ANKRD31: variants seen among roughly 807,000 people sequenced by gnomAD.
ANKRD31 encodes the protein ankyrin repeat domain 31, also known as ankyrin repeat domain-containing protein 31.
A neutral mutation model predicts 186.0 loss-of-function variants in ANKRD31; 147 were observed. The ratio of observed to expected loss-of-function variants is 0.79; its 90% CI spans 0.69 to 0.91. The LOEUF (loss-of-function observed/expected upper bound fraction) is 0.91. Among genes scored for constraint, ANKRD31 ranks in the 40% least tolerant of loss-of-function variants. ANKRD31 has a pLI of 0.00. For missense variants in ANKRD31, 1,986 were observed against 2,148.8 expected, an observed-to-expected ratio of 0.92 and a Z score of 1.50; for synonymous variants, 673 against 736.4, an observed-to-expected ratio of 0.91 and a Z score of 1.39.
chr5:75,088,772 A>T (rs1365089811), intron 23 of ANKRD31, among the ~76,000 whole-genome samples: 1 of 152,220 alleles, frequency 6.6e-6, no homozygotes, highest in African/African-American at 2.4e-5. Flanking sequence ...TTTCATATCC[A>T]TGAACAGAAA....
intron 2 of ANKRD31, among the ~76,000 whole-genome samples, chr5:75,224,135 A>ATATATATATATATATATATATATATG (rs1475091765): frequency 1.7e-5 from 1 of 59,060 alleles, no homozygotes; most frequent in Non-Finnish European, 2.8e-5. Flanking sequence ...ATAATTATAT[A>ATATATATATATATATATATATATATG]TATATATATA....
intron 11 of ANKRD31, among the ~76,000 whole-genome samples, chr5:75,163,204 C>G (rs967637927): frequency 8.6e-5 from 13 of 152,010 alleles, no homozygotes; most frequent in Non-Finnish European, 1.9e-4. Context: ...TGCTTGGGAC[C>G]AGCAGTATTT....
At chr5:75,137,369 T>C (rs903093336) in intron 17 of ANKRD31, among the ~76,000 whole-genome samples, 3 of 152,134 alleles carry the variant, frequency 2.0e-5, no homozygotes, top group Non-Finnish European at 4.4e-5. Flanking sequence ...ATGATCCTCG[T>C]AATCTTTTCT....
At chr5:75,230,675 G>A (rs979033278) in intron 1 of ANKRD31, 40 bp from the exon 2 acceptor site, 9 of 1,431,752 alleles carry the variant, frequency 6.3e-6, no homozygotes, top group African/African-American at 1.4e-5. Context: ...TTGTTAATGT[G>A]TCTTAAACAA....
chr5:75,179,787 A>T (rs1017603620), intron 10 of ANKRD31, among the ~76,000 whole-genome samples: 1 of 152,160 alleles, frequency 6.6e-6, no homozygotes, highest in Admixed American at 6.5e-5. Flanking sequence ...TACTGAATGG[A>T]CAAAAACTAG....
At chr5:75,071,677 T>C (rs1744241779) in intron 25 of ANKRD31, among the ~76,000 whole-genome samples, 1 of 152,080 alleles carries the variant, frequency 6.6e-6, no homozygotes, top group Admixed American at 6.5e-5. Context: ...TTTGTAGTTT[T>C]AGTGGAGATG....
chr5:75,211,962 T>C (rs1161373157), intron 3 of ANKRD31, among the ~76,000 whole-genome samples: 1 of 152,170 alleles, frequency 6.6e-6, no homozygotes, highest in Non-Finnish European at 1.5e-5. Flanking sequence ...CCTTTGACGC[T>C]CAAAAGTTTT....
In ANKRD31 at chr5:75,151,711, G is replaced by A. The variant is rs529518108; in HGVS notation, c.1852+2490C>T. On this transcript the variant is annotated intron_variant, in intron 12 of 25. Coordinates refer to ENST00000506364, the MANE Select transcript of ANKRD31 (RefSeq NM_001372053.1). ...AATTTCATTTAAAACCATTTAGATC[G>A]GGAAAAGATCTTTTCTAATAGACTT... Among the ~76,000 whole-genome samples the A allele has an allele frequency of 3.3e-5, 5 of 152,018 alleles. No homozygotes were observed. The East Asian group carries it at 5.8e-4, about 18-fold the overall frequency.
chr5:75,076,312 C>A (rs988681291), intron 25 of ANKRD31, among the ~76,000 whole-genome samples: 1 of 152,168 alleles, frequency 6.6e-6, no homozygotes, highest in South Asian at 2.1e-4. Context: ...AACTTGTCTA[C>A]AAATTAGAGG....
At chr5:75,097,460 C>T (rs1016911401) in intron 22 of ANKRD31, among the ~76,000 whole-genome samples, 2 of 152,080 alleles carry the variant, frequency 1.3e-5, no homozygotes. Flanking sequence ...AAATGTCTTC[C>T]TTTGAGAAGT....
At chr5:75,071,656 C>T (rs572306515) in intron 25 of ANKRD31, among the ~76,000 whole-genome samples, 15 of 152,082 alleles carry the variant, frequency 9.9e-5, no homozygotes, top group South Asian at 8.3e-4. Flanking sequence ...CCACCACGCC[C>T]GGCTAATTTT....
At chr5:75,144,312 T>C (rs1227086997) in intron 14 of ANKRD31, 141 bp from the exon 15 acceptor site, 2 of 385,348 alleles carry the variant, frequency 5.2e-6, no homozygotes, top group East Asian at 3.7e-5. Context: ...AATGTTTTTA[T>C]GTAACAGACA....
chr5:75,205,831 T>G (rs1334138869), intron 5 of ANKRD31, among the ~76,000 whole-genome samples: 2 of 152,096 alleles, frequency 1.3e-5, no homozygotes, highest in Non-Finnish European at 2.9e-5. Flanking sequence ...TGGTAGACAC[T>G]GCAAAGAGAT....
chr5:75,091,115 T>TC, intron 23 of ANKRD31, 146 bp downstream of exon 23: 3 of 829,430 alleles, frequency 3.6e-6, no homozygotes, highest in Non-Finnish European at 5.4e-6. Flanking sequence ...TGTAGCATGA[T>TC]ATGCATACAG....
chr5:75,174,260 T>C (rs575981873), intron 10 of ANKRD31, among the ~76,000 whole-genome samples: 1 of 152,238 alleles, frequency 6.6e-6, no homozygotes, highest in South Asian at 2.1e-4. Flanking sequence ...ATGTTAGACC[T>C]AAAACCATAA....
chr5:75,125,619 C>A (rs890031834), intron 17 of ANKRD31, among the ~76,000 whole-genome samples: 7 of 152,240 alleles, frequency 4.6e-5, no homozygotes, highest in Non-Finnish European at 1.0e-4. Flanking sequence ...TAAGATGAGG[C>A]CTTCTCTAGG....
At chr5:75,132,156 A>G (rs1749905890) in intron 17 of ANKRD31, among the ~76,000 whole-genome samples, 1 of 152,252 alleles carries the variant, frequency 6.6e-6, no homozygotes. Context: ...AAAGATGGAC[A>G]GAGAATGACT....
chr5:75,135,460 G>A (rs913685764), intron 17 of ANKRD31, among the ~76,000 whole-genome samples: 5 of 152,090 alleles, frequency 3.3e-5, no homozygotes, highest in Admixed American at 2.6e-4. Flanking sequence ...AACTTACAAG[G>A]GATGTGAAGG....
intron 17 of ANKRD31, among the ~76,000 whole-genome samples, chr5:75,134,520 T>C (rs1173823979): frequency 2.6e-5 from 4 of 152,042 alleles, no homozygotes; most frequent in Non-Finnish European, 5.9e-5. Context: ...AGGCAATAAT[T>C]AATAGCCTAC....
Sources: allele counts gnomAD v4.1 joint callset (sites outside exome capture counted in the v4.1 genomes callset), GRCh38; gene constraint gnomAD v4.1.1; transcripts MANE v1.5; gene names NCBI Gene and HGNC (gene_info 2026-07-23, HGNC 2026-07-21).